Variants in BUB1B observed in about 807,000 individuals in gnomAD.
BUB1B encodes BUB1 mitotic checkpoint serine/threonine kinase B.
A neutral mutation model predicts 137.7 loss-of-function variants in BUB1B; 86 were observed. The ratio of observed to expected loss-of-function variants is 0.62; its 90% confidence interval spans 0.52 to 0.75. The LOEUF is 0.75. Among genes scored for constraint, BUB1B ranks in the 30% least tolerant of loss-of-function variants. BUB1B has a pLI of 0.00. For synonymous variants in BUB1B, 420 were observed against 417.9 expected, an observed-to-expected ratio of 1.00 and a Z score of -0.06; for missense variants, 1,130 against 1,236.9, an observed-to-expected ratio of 0.91 and a Z score of 1.30.
At chr15:40,212,958 GT>G (rs1271269493) in intron 19 of BUB1B, among the ~76,000 whole-genome samples, 1 of 152,090 alleles carries the variant, frequency 6.6e-6, no homozygotes, top group Non-Finnish European at 1.5e-5. Flanking sequence ...CCACTGGATA[GT>G]TTTTAAAACC....
chr15:40,180,449 A>G (rs987152259), intron 5 of BUB1B, among the ~76,000 whole-genome samples: 1 of 150,978 alleles, frequency 6.6e-6, no homozygotes, highest in African/African-American at 2.4e-5. Context: ...TAGTTTTAGA[A>G]GAGATGGGGT....
At chr15:40,179,524 T>G (rs545833836) in intron 5 of BUB1B, among the ~76,000 whole-genome samples, 1 of 152,300 alleles carries the variant, frequency 6.6e-6, no homozygotes, top group South Asian at 2.1e-4. Flanking sequence ...TTAAGTGGGT[T>G]TCTTATACAC....
At chr15:40,199,533 G>T in intron 9 of BUB1B, 82 bp from the exon 10 acceptor site, 1 of 975,382 alleles carries the variant, frequency 1.0e-6, no homozygotes, top group East Asian at 2.5e-5. Flanking sequence ...CATATATGTT[G>T]AGGAGATGAG....
At chr15:40,198,766 G>A (rs1329344219) in intron 9 of BUB1B, among the ~76,000 whole-genome samples, 1 of 151,998 alleles carries the variant, frequency 6.6e-6, no homozygotes, top group African/African-American at 2.4e-5. Flanking sequence ...TAAGCACATG[G>A]CTTACTATCT....
chr15:40,209,851 GC>G (rs2037688274), intron 17 of BUB1B, 76 bp downstream of exon 17: 1 of 1,555,266 alleles, frequency 6.4e-7, no homozygotes, highest in South Asian at 1.1e-5. Context: ...TAAGCTTGAT[GC>G]TTGAGCACTG....
intron 12 of BUB1B, among the ~76,000 whole-genome samples, chr15:40,201,769 C>A (rs948199989): frequency 7.2e-5 from 11 of 152,150 alleles, no homozygotes; most frequent in Non-Finnish European, 1.6e-4. Context: ...TGGGTTCATG[C>A]CATTCTCTTG....
intron 9 of BUB1B, among the ~76,000 whole-genome samples, chr15:40,199,064 G>A (rs186085254): frequency 6.6e-6 from 1 of 152,140 alleles, no homozygotes; most frequent in Admixed American, 6.5e-5. Flanking sequence ...CTGCATTGGG[G>A]CCTTTGTGCC....
Position 40,179,892 on chromosome 15 carries a change from T to C in BUB1B, c.581+3219T>C, listed in dbSNP as rs149113722. Among the ~76,000 whole-genome samples the C allele has an allele frequency of 2.6e-3, 400 of 151,944 alleles. 8 individuals carry two copies. Among genetic ancestry groups the C allele is most frequent in the Admixed American group, 0.021 (315 of 15,282 alleles). On this transcript the variant is annotated intron_variant, in intron 5 of 22. Coordinates refer to ENST00000287598, the MANE Select transcript of BUB1B (RefSeq NM_001211.6). ...TCCTTTATATTCCCTACCCTTTTGG[T>C]ATACTTGTCATAGGTATTACATCTA...
chr15:40,189,625 T>C (rs2037412439), intron 8 of BUB1B, among the ~76,000 whole-genome samples: 1 of 152,260 alleles, frequency 6.6e-6, no homozygotes, highest in Admixed American at 6.5e-5. Flanking sequence ...GATACAAATT[T>C]TAATTGTTTT....
intron 8 of BUB1B, among the ~76,000 whole-genome samples, 161 bp from the exon 9 acceptor site, chr15:40,196,384 A>G (rs1199845281): frequency 6.6e-6 from 1 of 152,166 alleles, no homozygotes. Context: ...TTTGGTGACT[A>G]TGGCCTTACA....
Position 40,220,764 on chromosome 15 carries a change from G to A in BUB1B, c.*5G>A. The A allele has an allele frequency of 6.2e-7, 1 of 1,613,478 alleles. No individual in the cohort carries two copies. Among genetic ancestry groups the A allele is most frequent in the Admixed American group, 1.7e-5 (1 of 60,024 alleles). On this transcript the variant is annotated 3_prime_UTR_variant, in exon 23 of 23. Transcript: ENST00000287598. ...GGGGCTTTGCTCTTTCAGTGAGCTA[G>A]GCAATCAAGTCTCACAGATTGCTGC... is the stretch of plus-strand genomic sequence containing the variant.
intron 3 of BUB1B, 114 bp from the exon 4 acceptor site, chr15:40,170,422 AG>A: frequency 2.4e-6 from 3 of 1,225,392 alleles, no homozygotes; most frequent in Non-Finnish European, 2.4e-6. Flanking sequence ...TATGTCATTG[AG>A]GACCTCAAAA....
intron 8 of BUB1B, among the ~76,000 whole-genome samples, chr15:40,194,675 G>A (rs2037476901): frequency 6.6e-6 from 1 of 152,168 alleles, no homozygotes; most frequent in African/African-American, 2.4e-5. Flanking sequence ...CATGGTTGAG[G>A]TATCTTATAC....
chr15:40,216,904 A>G (rs2037800877), intron 20 of BUB1B, among the ~76,000 whole-genome samples: 1 of 152,134 alleles, frequency 6.6e-6, no homozygotes, highest in Non-Finnish European at 1.5e-5. Context: ...TTGATAATTA[A>G]TTAGTATTAT....
At chr15:40,209,409 G>A (rs2037680947) in intron 16 of BUB1B, among the ~76,000 whole-genome samples, 1 of 152,246 alleles carries the variant, frequency 6.6e-6, no homozygotes, top group Non-Finnish European at 1.5e-5. Flanking sequence ...GGGCAACAGA[G>A]CGAGACTCCG....
chr15:40,190,888 ATTT>A (rs1399316223), intron 8 of BUB1B, among the ~76,000 whole-genome samples: 1 of 141,240 alleles, frequency 7.1e-6, no homozygotes. Context: ...ACGCCTTGTA[ATTT>A]TTTTTTTTTT....
intron 6 of BUB1B, among the ~76,000 whole-genome samples, chr15:40,184,787 G>C (rs1265569051): frequency 1.3e-5 from 2 of 152,098 alleles, no homozygotes; most frequent in African/African-American, 2.4e-5. Context: ...TCTAGTTCCA[G>C]TATATCTCTG....
chr15:40,195,580 C>T (rs997982662), intron 8 of BUB1B, among the ~76,000 whole-genome samples: 12 of 152,104 alleles, frequency 7.9e-5, no homozygotes, highest in South Asian at 2.1e-4. Flanking sequence ...AGTGGTTGTA[C>T]GAGTTTACAT....
intron 2 of BUB1B, among the ~76,000 whole-genome samples, chr15:40,166,780 A>G (rs879840811): frequency 6.6e-6 from 1 of 152,178 alleles, no homozygotes; most frequent in Non-Finnish European, 1.5e-5. Flanking sequence ...GTTCATTTGT[A>G]CCAAATCCAC....
Sources: allele counts gnomAD v4.1 joint callset (sites outside exome capture counted in the v4.1 genomes callset), GRCh38; gene constraint gnomAD v4.1.1; transcripts MANE v1.5; gene names NCBI Gene and HGNC (gene_info 2026-07-23, HGNC 2026-07-21).